CSMD2: variants seen among roughly 807,000 people sequenced by gnomAD.
The protein encoded by CSMD2 is CUB and Sushi multiple domains 2.
A neutral mutation model predicts 398.5 loss-of-function variants in CSMD2; 130 were observed. The observed-to-expected ratio is 0.33, with a 90% CI of 0.28 to 0.38. The LOEUF is 0.38. CSMD2 is among the 10% of genes least tolerant of loss of function. The pLI is 1.00. For missense variants in CSMD2, 3,829 were observed against 4,764.9 expected (o/e 0.80, Z 5.78); for synonymous variants, 1,828 against 1,908.5 (o/e 0.96, Z 1.10).
intron 6 of CSMD2, among the ~76,000 whole-genome samples, chr1:33,829,294 C>G (rs1171222604): frequency 6.6e-6 from 1 of 152,198 alleles, no homozygotes; most frequent in Non-Finnish European, 1.5e-5. Context: ...AGATCCTTCA[C>G]TGAGGGGTAA....
chr1:33,971,190 A>G (rs535452732), intron 3 of CSMD2, among the ~76,000 whole-genome samples: 1 of 152,272 alleles, frequency 6.6e-6, no homozygotes, highest in South Asian at 2.1e-4. Flanking sequence ...CTTCCCAGAG[A>G]GCAGGACTCA....
intron 5 of CSMD2, among the ~76,000 whole-genome samples, chr1:33,854,618 G>C (rs183843357): frequency 9.8e-5 from 15 of 152,334 alleles, no homozygotes; most frequent in Admixed American, 7.8e-4. Flanking sequence ...TTCTCATGCT[G>C]ACCTATCCCC....
chr1:33,944,232 C>A lies in CSMD2; in HGVS notation c.518-8278G>T, dbSNP rs187300201. ...CATATGATTCATATCTCAGGAACGCCCCCCCCCCAACTCCTGTGATAAAAG... is the reference window on the plus strand; with the variant it reads ...CATATGATTCATATCTCAGGAACGCACCCCCCCCAACTCCTGTGATAAAAG... On this transcript the variant is annotated intron_variant, in intron 3 of 70. Transcript: ENST00000373381. 2.9e-3 allele frequency among the ~76,000 whole-genome samples: 392 copies of A among 134,538 alleles called. 3 individuals carry two copies. The highest frequency in any genetic ancestry group is 9.3e-3 in the African/African-American group (371 of 39,796). The allele number at this position is 134,538 out of a possible 152,430, so 88.3% of individuals were successfully genotyped here.
chr1:33,616,026 G>A (rs972420092), intron 39 of CSMD2, among the ~76,000 whole-genome samples: 3 of 152,204 alleles, frequency 2.0e-5, no homozygotes, highest in African/African-American at 7.2e-5. Context: ...GGGCTGATCT[G>A]AGGAAATATG....
chr1:33,780,690 A>G (rs2149348806), intron 12 of CSMD2, among the ~76,000 whole-genome samples: 1 of 152,380 alleles, frequency 6.6e-6, no homozygotes, highest in South Asian at 2.1e-4. Flanking sequence ...TTGCCAGCCC[A>G]GCCTCCAGGG....
At chr1:33,843,143 C>T (rs1661021690) in intron 6 of CSMD2, among the ~76,000 whole-genome samples, 1 of 152,206 alleles carries the variant, frequency 6.6e-6, no homozygotes, top group Non-Finnish European at 1.5e-5. Flanking sequence ...TTAACCTGTT[C>T]TCCTTAAGAG....
chr1:34,028,529 C>T (rs1284860068), intron 3 of CSMD2, among the ~76,000 whole-genome samples: 1 of 152,166 alleles, frequency 6.6e-6, no homozygotes, highest in Non-Finnish European at 1.5e-5. Flanking sequence ...TCCTCCCCTG[C>T]CTCTGGCTTA....
intron 25 of CSMD2, among the ~76,000 whole-genome samples, chr1:33,666,063 G>C (rs545126459): frequency 1.3e-5 from 2 of 151,974 alleles, no homozygotes; most frequent in Admixed American, 6.6e-5. Flanking sequence ...CTTAGTTGCG[G>C]GCTGTTTCTG....
chr1:34,091,926 G>A (rs957152672), intron 1 of CSMD2, among the ~76,000 whole-genome samples: 1 of 152,146 alleles, frequency 6.6e-6, no homozygotes, highest in African/African-American at 2.4e-5. Flanking sequence ...AATGAGAAAA[G>A]AGGAAGCAAA....
intron 15 of CSMD2, among the ~76,000 whole-genome samples, chr1:33,728,452 G>C (rs958762585): frequency 1.3e-5 from 2 of 151,844 alleles, no homozygotes; most frequent in Non-Finnish European, 2.9e-5. Context: ...GGTAGTAGTC[G>C]TCAACTCTTA....
intron 32 of CSMD2, among the ~76,000 whole-genome samples, chr1:33,631,415 CAA>C (rs1642460873): frequency 6.6e-6 from 1 of 152,102 alleles, no homozygotes; most frequent in East Asian, 1.9e-4. Context: ...AATAATGAGA[CAA>C]ATTTATTTGC....
intron 32 of CSMD2, among the ~76,000 whole-genome samples, chr1:33,628,426 T>A (rs1401040313): frequency 6.6e-6 from 1 of 152,132 alleles, no homozygotes. Flanking sequence ...CCCAACACTT[T>A]GGGAGGCTGA....
At chr1:33,610,149 G>A (rs545877516) in intron 41 of CSMD2, among the ~76,000 whole-genome samples, 61 of 152,014 alleles carry the variant, frequency 4.0e-4, no homozygotes, top group Middle Eastern at 3.4e-3. Context: ...CTGTTTGTAA[G>A]GCACTTGGCT....
intron 1 of CSMD2, among the ~76,000 whole-genome samples, chr1:34,103,169 A>C (rs1186846560): frequency 3.9e-5 from 6 of 151,996 alleles, no homozygotes; most frequent in Admixed American, 3.9e-4. Context: ...GGGAACCCTC[A>C]AGACACCATC....
intron 44 of CSMD2, among the ~76,000 whole-genome samples, chr1:33,597,767 C>T (rs1050392610): frequency 6.6e-6 from 1 of 152,116 alleles, no homozygotes; most frequent in Non-Finnish European, 1.5e-5. Context: ...CAAGAGAAAC[C>T]CTTGTACATG....
chr1:33,851,238 G>A (rs1638686861), intron 5 of CSMD2, among the ~76,000 whole-genome samples: 1 of 152,148 alleles, frequency 6.6e-6, no homozygotes. Context: ...TGAAAAGCCT[G>A]TAATGTACAC....
At chr1:33,787,994 A>G (rs1362481002) in intron 12 of CSMD2, among the ~76,000 whole-genome samples, 1 of 152,142 alleles carries the variant, frequency 6.6e-6, no homozygotes, top group African/African-American at 2.4e-5. Context: ...CTCTCTAAAG[A>G]TTTTAAAAAT....
At chr1:33,714,906 G>T in intron 20 of CSMD2, 131 bp from the exon 21 acceptor site, 2 of 836,596 alleles carry the variant, frequency 2.4e-6, no homozygotes, top group Non-Finnish European at 3.7e-6. Flanking sequence ...GAGGGCATGC[G>T]CACACTGGCC....
At chr1:34,107,567 C>T (rs1660642622) in intron 1 of CSMD2, among the ~76,000 whole-genome samples, 1 of 152,146 alleles carries the variant, frequency 6.6e-6, no homozygotes. Flanking sequence ...GAATCAACCC[C>T]AGGCAATCTG....
Sources: allele counts gnomAD v4.1 joint callset (sites outside exome capture counted in the v4.1 genomes callset), GRCh38; gene constraint gnomAD v4.1.1; transcripts MANE v1.5; gene names NCBI Gene and HGNC (gene_info 2026-07-23, HGNC 2026-07-21).